The following CAND1 variants were observed in gnomAD, a reference collection of about 807,000 sequenced individuals.
The protein encoded by CAND1 is cullin-associated NEDD8-dissociated protein 1.
A neutral mutation model predicts 108.5 loss-of-function variants in CAND1; 7 were observed. The observed-to-expected ratio is 0.06, with a 90% CI of 0.04 to 0.12. The LOEUF (loss-of-function observed/expected upper bound fraction) is 0.12, where lower values mean the gene tolerates loss of function less well. Among genes scored for constraint, CAND1 ranks in the 10% least tolerant of loss-of-function variants. The pLI is 1.00. For missense variants in CAND1, 941 were observed against 1,448.7 expected, an observed-to-expected ratio of 0.65 and a Z score of 5.69; for synonymous variants, 534 against 512.0, an observed-to-expected ratio of 1.04 and a Z score of -0.58.
At chr12:67,285,602 G>A (rs987886647) in intron 2 of CAND1, among the ~76,000 whole-genome samples, 5 of 152,146 alleles carry the variant, frequency 3.3e-5, no homozygotes, top group African/African-American at 4.8e-5. Flanking sequence ...AGAATGTAAA[G>A]TATGTTATGA....
chr12:67,306,294 G>T lies in CAND1; in HGVS notation c.2626G>T (p.Ala876Ser), dbSNP rs747170457. 3.1e-6 allele frequency: 5 copies of T among 1,613,996 alleles called. No individual in the cohort carries two copies. In the African/African-American group the frequency reaches 4.0e-5, roughly 13 times the overall value. ...SSPSEEVKSA[A>S]SYALGSISVG... ...TCCTAGTGAAGAAGTCAAATCAGCT[G>T]CATCCTATGCATTAGGCAGCATTAG... The change falls in exon 10 of 15, where the codon GCA (alanine) becomes TCA (serine). Residue 876 changes from alanine (A) to serine (S), a missense_variant. Transcript: ENST00000545606.
intron 1 of CAND1, among the ~76,000 whole-genome samples, chr12:67,271,981 A>G (rs927347799): frequency 2.6e-5 from 4 of 152,230 alleles, no homozygotes; most frequent in Admixed American, 6.5e-5. Flanking sequence ...TTTTTTCTGC[A>G]TATTTTTAGT....
Position 67,292,834 on chromosome 12 carries a change from C to T in CAND1, c.367+58C>T, listed in dbSNP as rs936389914. 4 of 1,544,040 alleles carry T rather than the reference C, an allele frequency of 2.6e-6. No homozygotes were observed. In the Admixed American group the frequency reaches 7.0e-5, roughly 27 times the overall value. On this transcript the variant is annotated intron_variant, in intron 3 of 14. Transcript: ENST00000545606. ...TTTTGTGTGGAGGTATTTCTCCCCA[C>T]CCTTTTTTCCCCTTCTGGCCAAGGA... is the stretch of plus-strand genomic sequence containing the variant.
At chr12:67,282,151 A>G (rs951216886) in intron 2 of CAND1, 98 bp downstream of exon 2, 2 of 1,238,760 alleles carry the variant, frequency 1.6e-6, no homozygotes, top group South Asian at 1.3e-5. Flanking sequence ...GCCTTGTACT[A>G]TCTCTTTCTA....
At chr12:67,274,528 G>A (rs1490062800) in intron 1 of CAND1, among the ~76,000 whole-genome samples, 3 of 152,184 alleles carry the variant, frequency 2.0e-5, no homozygotes, top group East Asian at 1.9e-4. Flanking sequence ...AAACGGAATC[G>A]TTCTCTTTGT....
At chr12:67,269,864 A>C (rs1592598143) in intron 1 of CAND1, 79 bp downstream of exon 1, 1 of 1,263,060 alleles carries the variant, frequency 7.9e-7, no homozygotes. Flanking sequence ...GCCTTGCCCC[A>C]CCCCTTCGGC....
chr12:67,291,019 C>G (rs570689122), intron 2 of CAND1, among the ~76,000 whole-genome samples: 1 of 152,264 alleles, frequency 6.6e-6, no homozygotes, highest in Non-Finnish European at 1.5e-5. Flanking sequence ...AAACTGCCTC[C>G]CCTGCAAATC....
chr12:67,312,884 A>C lies in CAND1; in HGVS notation c.*54A>C, dbSNP rs2044967298. The C allele has an allele frequency of 8.8e-7, 1 of 1,140,504 alleles. No homozygotes were observed. The allele number at this position is 1,140,504 out of a possible 1,614,324, so 70.6% of individuals were successfully genotyped here. A position where few individuals can be genotyped will look rare whatever the true frequency, so the allele number is the denominator to read the frequency against. ...TATGACCATACAATGCACTGAATTG[A>C]CAGGTTAATCATAAGACATGGAAAG... On this transcript the variant is annotated 3_prime_UTR_variant, in exon 15 of 15. Coordinates refer to ENST00000545606, the MANE Select transcript of CAND1 (RefSeq NM_018448.5).
rs2045033717 is a variant in CAND1, at chr12:67,318,871, ATGAG to A, written c.*6046_*6049del. ...TAATTGAGGGTATGGTCCATTCAAC[ATGAG>A]TGAGACAGAAACAATTCATAAAGGA... On this transcript the variant is annotated 3_prime_UTR_variant, in exon 15 of 15. Transcript: ENST00000545606. 6.6e-6 allele frequency: 1 copy of A among 152,220 alleles called. No individual in the cohort carries two copies. Among genetic ancestry groups the A allele is most frequent in the African/African-American group, 2.4e-5 (1 of 41,438 alleles). The allele number at this position is 152,220 out of a possible 1,614,324, so 9.4% of individuals were successfully genotyped here. A position where few individuals can be genotyped will look rare whatever the true frequency, so the allele number is the denominator to read the frequency against.
rs1412655474 is a variant in CAND1 at position 67,306,493 on chromosome 12, G to A, written c.2825G>A (p.Cys942Tyr). The change falls in exon 10 of 15, where the codon TGT becomes TAT. Residue 942 changes from cysteine (C) to tyrosine (Y), a missense_variant. Cys to Tyr is a radical substitution (Grantham distance 194, BLOSUM62 -2). Coordinates refer to ENST00000545606, the MANE Select transcript of CAND1 (RefSeq NM_018448.5). ...GCCTTATTACTAAAGCACTGTGAGT[G>A]TGCAGAGGAAGGAACCAGAAATGTT... ...IWALLLKHCECAEEGTRNVVA... is the reference protein window; with the variant it reads ...IWALLLKHCEYAEEGTRNVVA... 6.2e-7 allele frequency: 1 copy of A among 1,614,036 alleles called. No individual in the cohort carries two copies. The highest frequency in any genetic ancestry group is 1.7e-5 in the Admixed American group (1 of 60,012).
chr12:67,303,391 A>C (rs2044845000), intron 8 of CAND1, among the ~76,000 whole-genome samples: 1 of 152,206 alleles, frequency 6.6e-6, no homozygotes. Flanking sequence ...TTTGTGGTGA[A>C]CTTACTCATA....
intron 2 of CAND1, among the ~76,000 whole-genome samples, chr12:67,292,210 C>T (rs1231344580): frequency 6.6e-6 from 1 of 151,954 alleles, no homozygotes; most frequent in Non-Finnish European, 1.5e-5. Context: ...TGGTGTTGTG[C>T]CCTTGTAGTC....
At chr12:67,291,236 T>C (rs1190006271) in intron 2 of CAND1, among the ~76,000 whole-genome samples, 1 of 152,208 alleles carries the variant, frequency 6.6e-6, no homozygotes, top group African/African-American at 2.4e-5. Flanking sequence ...ATGAGAAAAG[T>C]ATATGCAAGG....
chr12:67,307,182 T>C (rs1275374624), intron 10 of CAND1, among the ~76,000 whole-genome samples: 1 of 152,132 alleles, frequency 6.6e-6, no homozygotes, highest in African/African-American at 2.4e-5. Flanking sequence ...CCAGAAGGAA[T>C]TGTTTCTTTG....
chr12:67,278,301 G>A (rs542134177), intron 1 of CAND1, among the ~76,000 whole-genome samples: 32 of 152,192 alleles, frequency 2.1e-4, no homozygotes, highest in Admixed American at 1.4e-3. Context: ...GGGATTACAG[G>A]CATGTACTAC....
intron 4 of CAND1, 91 bp downstream of exon 4, chr12:67,295,247 G>A: frequency 8.2e-7 from 1 of 1,217,824 alleles, no homozygotes; most frequent in South Asian, 1.7e-5. Context: ...ATAAAACTTG[G>A]TCAGAAATTA....
chr12:67,305,403 G>T lies in CAND1; in HGVS notation c.1735G>T (p.Ala579Ser), dbSNP rs1257248829. 9.3e-6 allele frequency: 15 copies of T among 1,613,888 alleles called. No homozygotes were observed. The highest frequency in any genetic ancestry group is 1.2e-5 in the Non-Finnish European group (14 of 1,180,030). Reference sequence around the variant, plus strand: ...CTGTACCATTAAGAGATTAAAAGCAGCTGACATTGATCAGGAAGTCAAGGA... The same window carrying T: ...CTGTACCATTAAGAGATTAAAAGCATCTGACATTGATCAGGAAGTCAAGGA... ...FTCTIKRLKA[A>S]DIDQEVKERA... Residue 579 changes from alanine to serine, a missense_variant, in exon 10 of 15, where the codon GCT becomes TCT. By Grantham distance (99) the Ala-to-Ser change is moderately conservative. Transcript: ENST00000545606. The surrounding 1 kb of genome is among the most constrained non-coding windows in gnomAD (Gnocchi z 4.4).
chr12:67,298,119 A>AT (rs1339076657), intron 6 of CAND1, among the ~76,000 whole-genome samples: 13 of 152,194 alleles, frequency 8.5e-5, no homozygotes, highest in African/African-American at 3.1e-4. Flanking sequence ...AGAAGGGAAG[A>AT]AATGCCAGTG....
chr12:67,300,321 T>C (rs1393917651), intron 7 of CAND1, among the ~76,000 whole-genome samples: 1 of 152,138 alleles, frequency 6.6e-6, no homozygotes, highest in Non-Finnish European at 1.5e-5. Flanking sequence ...TCTCATCTAG[T>C]CTCCTGGCTT....
Sources: allele counts gnomAD v4.1 joint callset (sites outside exome capture counted in the v4.1 genomes callset), GRCh38; gene constraint gnomAD v4.1.1; non-coding constraint Gnocchi (gnomAD v3.1); transcripts MANE v1.5; gene names NCBI Gene and HGNC (gene_info 2026-07-23, HGNC 2026-07-21).